The following ITGBL1 variants were observed in gnomAD, a reference collection of about 807,000 sequenced individuals.
ITGBL1 encodes integrin beta-like protein 1.
In ITGBL1, 51 loss-of-function variants were observed where a neutral mutation model predicts 68.5. The ratio of observed to expected loss-of-function variants is 0.74; its 90% CI spans 0.59 to 0.94. The LOEUF is 0.94. Ranked by LOEUF, ITGBL1 falls within the 40% of genes least tolerant of loss-of-function variation. The pLI, the probability that ITGBL1 is intolerant of heterozygous loss-of-function variation, is 0.00. For missense variants in ITGBL1, 649 were observed against 647.4 expected (o/e 1.00, Z -0.03); for synonymous variants, 209 against 227.3 (o/e 0.92, Z 0.72).
chr13:101,485,897 A>G (rs1238066676), intron 2 of ITGBL1, among the ~76,000 whole-genome samples: 1 of 152,202 alleles, frequency 6.6e-6, no homozygotes, highest in Non-Finnish European at 1.5e-5. Context: ...GCTGGTGAGA[A>G]TATAAATTAG....
intron 7 of ITGBL1, among the ~76,000 whole-genome samples, chr13:101,680,726 A>G (rs765578269): frequency 2.0e-5 from 3 of 152,114 alleles, no homozygotes; most frequent in Non-Finnish European, 4.4e-5. Flanking sequence ...TTCAGCCCTT[A>G]CAATCATCCT....
chr13:101,558,391 C>G (rs2050045247), intron 2 of ITGBL1, among the ~76,000 whole-genome samples: 1 of 152,128 alleles, frequency 6.6e-6, no homozygotes, highest in Non-Finnish European at 1.5e-5. Context: ...GATGGGTACA[C>G]TAGAAGCTCA....
In ITGBL1 at chr13:101,474,706, T is replaced by A. The variant is rs569286909; in HGVS notation, c.316+20606T>A. The stretch of plus-strand genomic sequence containing the variant: ...GTGCTTGTGTTACCCCTCCCCCAGT[T>A]CCAGGCAGATCAGTGTGAAAAGAGA... On this transcript the variant is annotated intron_variant, in intron 2 of 10. Coordinates refer to ENST00000376180, the MANE Select transcript of ITGBL1 (RefSeq NM_004791.3). Among the ~76,000 whole-genome samples, 3 of 152,198 alleles carry A rather than the reference T, an allele frequency of 2.0e-5. No homozygotes were observed. In the South Asian group the frequency reaches 6.2e-4, roughly 32 times the overall value.
At chr13:101,632,501 T>C (rs951183275) in intron 7 of ITGBL1, among the ~76,000 whole-genome samples, 6 of 152,220 alleles carry the variant, frequency 3.9e-5, no homozygotes, top group African/African-American at 1.4e-4. Context: ...GCACACCTAC[T>C]CTGTGACCTA....
chr13:101,617,480 C>A (rs2031412439), intron 7 of ITGBL1, among the ~76,000 whole-genome samples: 1 of 151,990 alleles, frequency 6.6e-6, no homozygotes, highest in African/African-American at 2.4e-5. Flanking sequence ...AATGTGGAAG[C>A]ACTGGATGCT....
In ITGBL1 at chr13:101,569,025, A is replaced by AACACACACACACACACAC. The variant is rs112814235; in HGVS notation, c.463+1209_463+1226dup. On this transcript the variant is annotated intron_variant, in intron 3 of 10. Coordinates refer to ENST00000376180, the MANE Select transcript of ITGBL1 (RefSeq NM_004791.3). ...CCAATTCATAACACCCACCCCTCCA[A>AACACACACACACACACAC]ACACACACACACACACACACACACA... 5.8e-5 allele frequency among the ~76,000 whole-genome samples: 6 copies of AACACACACACACACACAC among 103,728 alleles called. No homozygotes were observed. The East Asian group carries it at 1.3e-3, about 23-fold the overall frequency. The allele number at this position is 103,728 out of a possible 152,430, so 68.0% of individuals were successfully genotyped here. A position where few individuals can be genotyped will look rare whatever the true frequency, so the allele number is the denominator to read the frequency against.
At chr13:101,465,140 A>G (rs2048366646) in intron 2 of ITGBL1, among the ~76,000 whole-genome samples, 1 of 152,254 alleles carries the variant, frequency 6.6e-6, no homozygotes, top group African/African-American at 2.4e-5. Flanking sequence ...AATGGTCCTC[A>G]TATTGTTATA....
At chr13:101,544,650 A>T (rs9585727) in intron 2 of ITGBL1, among the ~76,000 whole-genome samples, 3,074 of 152,246 alleles carry the variant, frequency 0.02, 105 homozygotes, top group African/African-American at 0.07. Flanking sequence ...CCGCCCCCAG[A>T]GGTGGAGTCT....
At chr13:101,597,439 A>T (rs1294875747) in intron 6 of ITGBL1, among the ~76,000 whole-genome samples, 2 of 121,090 alleles carry the variant, frequency 1.7e-5, no homozygotes, top group Non-Finnish European at 3.5e-5. Context: ...AAAAAAAAAA[A>T]AATCCTGCTT....
chr13:101,665,351 T>C (rs1366693877), intron 7 of ITGBL1, among the ~76,000 whole-genome samples: 2 of 152,070 alleles, frequency 1.3e-5, no homozygotes, highest in Admixed American at 1.3e-4. Context: ...ACATATTTCA[T>C]GAATATTCCT....
intron 2 of ITGBL1, among the ~76,000 whole-genome samples, chr13:101,534,739 GT>G (rs1376629162): frequency 6.6e-6 from 1 of 152,102 alleles, no homozygotes; most frequent in Non-Finnish European, 1.5e-5. Flanking sequence ...GTGTTGGAGG[GT>G]TTTTTAAGGC....
chr13:101,513,704 A>G (rs920170894), intron 2 of ITGBL1, among the ~76,000 whole-genome samples: 6 of 152,084 alleles, frequency 3.9e-5, no homozygotes, highest in Non-Finnish European at 7.4e-5. Context: ...TAATTATTAT[A>G]CTTCAAATTA....
At chr13:101,667,718 T>C (rs1040400573) in intron 7 of ITGBL1, among the ~76,000 whole-genome samples, 2 of 152,176 alleles carry the variant, frequency 1.3e-5, no homozygotes, top group Non-Finnish European at 2.9e-5. Context: ...ACTAAAATTT[T>C]TAAATGAAAG....
Position 101,491,866 on chromosome 13 carries a change from A to G in ITGBL1, c.316+37766A>G, listed in dbSNP as rs546414759. On this transcript the variant is annotated intron_variant, in intron 2 of 10. Transcript: ENST00000376180. ...TGTTCAACTCCCACTTATGAGTGAG[A>G]ACATGCAGTGTTGGTGTTTGGATTT... Among the ~76,000 whole-genome samples, 15 of 152,266 alleles carry G rather than the reference A, an allele frequency of 9.9e-5. No individual in the cohort carries two copies. The South Asian group carries it at 2.3e-3, about 23-fold the overall frequency.
At chr13:101,629,914 C>T (rs2139406005) in intron 7 of ITGBL1, among the ~76,000 whole-genome samples, 1 of 152,222 alleles carries the variant, frequency 6.6e-6, no homozygotes, top group African/African-American at 2.4e-5. Context: ...CCTCTGCATC[C>T]AAGGTTCAAG....
At chr13:101,469,693 A>G (rs564937934) in intron 2 of ITGBL1, among the ~76,000 whole-genome samples, 1 of 152,166 alleles carries the variant, frequency 6.6e-6, no homozygotes, top group South Asian at 2.1e-4. Flanking sequence ...TTCCATCTAT[A>G]AAAAAACAAA....
chr13:101,608,806 T>C (rs1052635664), intron 7 of ITGBL1, among the ~76,000 whole-genome samples: 1 of 152,086 alleles, frequency 6.6e-6, no homozygotes, highest in Admixed American at 6.6e-5. Context: ...CTAGTTTTTA[T>C]AAACTATAGC....
chr13:101,508,544 A>G (rs2049062003), intron 2 of ITGBL1, among the ~76,000 whole-genome samples: 1 of 152,166 alleles, frequency 6.6e-6, no homozygotes, highest in Non-Finnish European at 1.5e-5. Flanking sequence ...ACTGGAATTG[A>G]ATATTTTCAT....
chr13:101,460,833 T>C (rs1322572204), intron 2 of ITGBL1, among the ~76,000 whole-genome samples: 1 of 152,110 alleles, frequency 6.6e-6, no homozygotes, highest in Non-Finnish European at 1.5e-5. Context: ...CCAGCTGTCC[T>C]GTGAACAAAT....
Sources: gnomAD v4.1 joint callset for allele counts (sites outside exome capture counted in the v4.1 genomes callset) on GRCh38, gnomAD v4.1.1 for gene constraint, MANE v1.5 for transcripts, NCBI Gene and HGNC (gene_info 2026-07-23, HGNC 2026-07-21) for gene names.